Variants in FCRL6 observed in about 807,000 individuals in gnomAD.
The protein encoded by FCRL6 is Fc receptor-like protein 6.
Under a neutral mutation model 49.1 loss-of-function variants are expected in FCRL6, and 50 were observed. The ratio of observed to expected loss-of-function variants is 1.02; its 90% CI spans 0.81 to 1.29. FCRL6 has a LOEUF of 1.29. FCRL6 is among the 50% of genes most tolerant of loss of function. The pLI is 0.00. For missense variants in FCRL6, 571 were observed against 518.5 expected (o/e 1.10, Z -0.98); for synonymous variants, 213 against 199.6 (o/e 1.07, Z -0.57).
upstream of FCRL6, among the ~76,000 whole-genome samples, chr1:159,802,122 A>C (rs1402141041): frequency 6.6e-6 from 1 of 152,122 alleles, no homozygotes; most frequent in Non-Finnish European, 1.5e-5. Context: ...GTTCCATCCT[A>C]GTTCCCTGGC....
chr1:159,806,924 T>C (rs1314959530), intron 2 of FCRL6, among the ~76,000 whole-genome samples: 1 of 152,190 alleles, frequency 6.6e-6, no homozygotes. Context: ...GCTCTTATAT[T>C]CTCAACTCAA....
At chr1:159,800,539 G>A (rs1280537760), upstream of FCRL6, 21 of 1,500,824 alleles carry the variant, frequency 1.4e-5, no homozygotes, top group East Asian at 4.9e-5. Context: ...GCAGCTGAAC[G>A]AAGTTGAAGA....
chr1:159,806,692 G>T, intron 2 of FCRL6, 76 bp downstream of exon 2: 1 of 1,446,100 alleles, frequency 6.9e-7, no homozygotes, highest in Non-Finnish European at 9.7e-7. Context: ...ACAGGACAGT[G>T]CCATGGGGTC....
In FCRL6 at chr1:159,806,596, T is replaced by C; in HGVS notation, c.32T>C (p.Val11Ala). 6.2e-7 allele frequency: 1 copy of C among 1,613,684 alleles called. No individual in the cohort carries two copies. Among genetic ancestry groups the C allele is most frequent in the Non-Finnish European group, 8.5e-7 (1 of 1,179,552 alleles). Reference sequence around the variant, plus strand: ...ATTGTGTTACTTTGTTCTCTTGCAGTTCCCTGTGTTGGGAAAACTGGTAAG... The same window carrying C: ...ATTGTGTTACTTTGTTCTCTTGCAGCTCCCTGTGTTGGGAAAACTGGTAAG... MLLWTAVLLF[V>A]PCVGKTVWLY... The change falls in exon 2 of 10, where the codon GTT becomes GCT. Residue 11 changes from valine to alanine, a missense_variant and splice_region_variant. Physicochemically the swap from Val to Ala is moderately conservative, Grantham distance 64 (BLOSUM62 0). Transcript: ENST00000368106.
Position 159,809,585 on chromosome 1 carries a change from T to C in FCRL6, c.788T>C (p.Phe263Ser), listed in dbSNP as rs1285547561. Reference sequence around the variant, plus strand: ...TGTGGTGGAACCACCTCCCTCCTCTTCCCAGTGAAGTCAGAACAGGATGCT... The same window carrying C: ...TGTGGTGGAACCACCTCCCTCCTCTCCCCAGTGAAGTCAGAACAGGATGCT... The part of the protein sequence containing the change: ...APCGGTTSLL[F>S]PVKSEQDAGN... The change falls in exon 5 of 10, where the codon TTC becomes TCC. Residue 263 changes from phenylalanine to serine, a missense_variant. Phe to Ser is a radical substitution (Grantham distance 155, BLOSUM62 -2). Coordinates refer to ENST00000368106, the MANE Select transcript of FCRL6 (RefSeq NM_001004310.3). 1 of 1,614,140 alleles carries C rather than the reference T, an allele frequency of 6.2e-7. No homozygotes were observed. Among genetic ancestry groups the C allele is most frequent in the African/African-American group, 1.3e-5 (1 of 75,032 alleles).
chr1:159,803,206 C>G (rs373157082), intron 1 of FCRL6, among the ~76,000 whole-genome samples: 5 of 152,176 alleles, frequency 3.3e-5, no homozygotes, highest in Admixed American at 3.3e-4. Flanking sequence ...GAGGATTGCA[C>G]GCAGAGGGTC....
rs540301050 is a variant in FCRL6, at chr1:159,808,908, G to A, written c.320-53G>A. The A allele has an allele frequency of 4.6e-6, 7 of 1,515,266 alleles. No homozygotes were observed. In the South Asian group the frequency reaches 6.6e-5, roughly 14 times the overall value. The allele number at this position is 1,515,266 out of a possible 1,614,324, so 93.9% of individuals were successfully genotyped here. A position where few individuals can be genotyped will look rare whatever the true frequency, so the allele number is the denominator to read the frequency against. ...TAGAAGCTCAGGCCTCAGCCTCCTG[G>A]GGCTTCATCATCCAGGACTCCCCTC... On this transcript the variant is annotated intron_variant, in intron 3 of 9. Coordinates refer to ENST00000368106, the MANE Select transcript of FCRL6 (RefSeq NM_001004310.3).
intron 7 of FCRL6, 63 bp downstream of exon 7, chr1:159,813,617 G>A: frequency 2.1e-6 from 3 of 1,420,412 alleles, no homozygotes; most frequent in Non-Finnish European, 3.0e-6. Flanking sequence ...CTTAAGGGAA[G>A]TAAGAAGGGA....
At chr1:159,802,028 G>A (rs1326033236), upstream of FCRL6, among the ~76,000 whole-genome samples, 1 of 152,042 alleles carries the variant, frequency 6.6e-6, no homozygotes, top group African/African-American at 2.4e-5. Context: ...ACAGTGCTGC[G>A]CTGTCTCCCA....
intron 1 of FCRL6, 132 bp downstream of exon 1, chr1:159,802,587 C>A: frequency 2.5e-6 from 2 of 788,700 alleles, no homozygotes; most frequent in Non-Finnish European, 4.3e-6. Flanking sequence ...CAGGTGTGTG[C>A]ACCTGGGCAT....
At position 159,810,171 on chromosome 1, in the gene FCRL6, A is replaced by G. The variant is rs1237226856; in HGVS notation, c.964A>G (p.Ile322Val). 4 of 1,613,746 alleles carry G rather than the reference A, an allele frequency of 2.5e-6. No homozygotes were observed. The highest frequency in any genetic ancestry group is 3.4e-6 in the Non-Finnish European group (4 of 1,179,856). Residue 322 changes from isoleucine (I) to valine (V), a missense_variant, in exon 6 of 10, where the codon ATT becomes GTT. Transcript: ENST00000368106. ...TGCGAGCCTGCTTGGCCTGATGGTT[A>G]TTGCTGCTGCACTTCTGGTTTATGT... Reference protein sequence around the residue: ...LPASLLGLMVIAAALLVYVRS... With the variant: ...LPASLLGLMVVAAALLVYVRS...
At chr1:159,813,166 G>A (rs758187576) in intron 6 of FCRL6, among the ~76,000 whole-genome samples, 12 of 152,164 alleles carry the variant, frequency 7.9e-5, no homozygotes, top group Non-Finnish European at 1.3e-4. Flanking sequence ...GGCATATAGT[G>A]TATGGTCAAA....
At chr1:159,801,133 GA>G (rs1662310540), upstream of FCRL6, among the ~76,000 whole-genome samples, 1 of 152,278 alleles carries the variant, frequency 6.6e-6, no homozygotes, top group Non-Finnish European at 1.5e-5. Context: ...GAGGAGATGA[GA>G]ATGTGTGACC....
upstream of FCRL6, among the ~76,000 whole-genome samples, chr1:159,801,095 C>T (rs1195255150): frequency 6.6e-6 from 1 of 152,238 alleles, no homozygotes; most frequent in African/African-American, 2.4e-5. Context: ...CTCTGTGTTT[C>T]ACCGTGAACT....
At chr1:159,806,402 T>A (rs1017475532) in intron 1 of FCRL6, among the ~76,000 whole-genome samples, 194 bp from the exon 2 acceptor site, 1 of 151,286 alleles carries the variant, frequency 6.6e-6, no homozygotes, top group African/African-American at 2.4e-5. Context: ...GGATGGCTGA[T>A]GGCTGGGTTG....
At chr1:159,801,099 G>A (rs763649153), upstream of FCRL6, among the ~76,000 whole-genome samples, 10 of 152,246 alleles carry the variant, frequency 6.6e-5, no homozygotes, top group East Asian at 3.8e-4. Flanking sequence ...GTGTTTCACC[G>A]TGAACTCCCA....
rs944987619 is a variant in FCRL6, at chr1:159,809,244, G to A, written c.603G>A (p.Gln201=). 1.6e-5 allele frequency: 25 copies of A among 1,557,884 alleles called. No homozygotes were observed. The Admixed American group carries it at 3.9e-4, about 24-fold the overall frequency. ...KQSPQLEVRV[Q]APVSRPVLTL... is the part of the protein sequence containing the mutation. ...GCCCCCAGCTGGAGGTCAGAGTGCA[G>A]GGTAAGTGCGCGAGAGAGTGGAGAT... The change falls in exon 4 of 10, where the codon CAG becomes CAA. Residue 201 remains glutamine (Q), a splice_region_variant and synonymous_variant. Coordinates refer to ENST00000368106, the MANE Select transcript of FCRL6 (RefSeq NM_001004310.3).
chr1:159,809,735 C>A, intron 5 of FCRL6, 52 bp downstream of exon 5: 1 of 1,507,398 alleles, frequency 6.6e-7, no homozygotes, highest in Non-Finnish European at 9.1e-7. Context: ...TGGCAGGGGT[C>A]AGATCTCACC....
rs1477119838 is a variant in FCRL6, at chr1:159,808,202, C to T, written c.77C>T (p.Pro26Leu). The part of the protein sequence containing the change: ...KTVWLYLQAW[P>L]NPVFEGDALT... ...GTCTGGCTGTACCTCCAAGCCTGGCCAAACCCTGTGTTTGAAGGAGATGCC... is the reference window on the plus strand; with the variant it reads ...GTCTGGCTGTACCTCCAAGCCTGGCTAAACCCTGTGTTTGAAGGAGATGCC... Residue 26 changes from proline to leucine, a missense_variant, in exon 3 of 10, where the codon CCA (proline) becomes CTA (leucine). Coordinates refer to ENST00000368106, the MANE Select transcript of FCRL6 (RefSeq NM_001004310.3). The T allele has an allele frequency of 5.0e-6, 8 of 1,613,224 alleles. No homozygotes were observed. The highest frequency in any genetic ancestry group is 5.1e-6 in the Non-Finnish European group (6 of 1,179,248).
Sources: allele counts gnomAD v4.1 joint callset (sites outside exome capture counted in the v4.1 genomes callset), GRCh38; gene constraint gnomAD v4.1.1; transcripts MANE v1.5; gene names NCBI Gene and HGNC (gene_info 2026-07-23, HGNC 2026-07-21).